Variants in COL27A1 observed in about 807,000 individuals in gnomAD.
COL27A1 encodes collagen alpha-1(XXVII) chain.
In COL27A1, 106 loss-of-function variants were observed where a neutral mutation model predicts 251.3. That is an observed-to-expected ratio of 0.42 (90% CI 0.36 to 0.50). The LOEUF is 0.50. Among genes scored for constraint, COL27A1 ranks in the 20% least tolerant of loss-of-function variants. The probability of loss-of-function intolerance (pLI) is 0.00; values close to 1 mark genes in which losing one functional copy is unlikely to be tolerated. For missense variants in COL27A1, 2,325 were observed against 2,522.8 expected, an observed-to-expected ratio of 0.92 and a Z score of 1.68; for synonymous variants, 1,000 against 986.3, an observed-to-expected ratio of 1.01 and a Z score of -0.26.
intron 23 of COL27A1, among the ~76,000 whole-genome samples, 177 bp downstream of exon 23, chr9:114,243,737 C>T (rs1435774003): frequency 1.3e-5 from 2 of 151,938 alleles, no homozygotes; most frequent in African/African-American, 2.4e-5. Flanking sequence ...AAGTGTCCAA[C>T]TGTGGGGGAT....
chr9:114,244,085 C>G (rs1832952422), intron 23 of COL27A1, among the ~76,000 whole-genome samples: 1 of 152,002 alleles, frequency 6.6e-6, no homozygotes. Flanking sequence ...AGCACCACGC[C>G]CAGCTAATTT....
At position 114,178,133 on chromosome 9, in the gene COL27A1, G is replaced by A. The variant is rs182477753; in HGVS notation, c.1909-158G>A. ...TATGAAAGCCCAAAAGCCCCAAAGA[G>A]CATGAATTTCTCAGGGCAGGGACCT... On this transcript the variant is annotated intron_variant, in intron 3 of 60. Transcript: ENST00000356083. Among the ~76,000 whole-genome samples, 221 of 152,336 alleles carry A rather than the reference G, an allele frequency of 1.5e-3. 1 individual carries two copies. The highest frequency in any genetic ancestry group is 6.8e-3 in the Middle Eastern group (2 of 294).
chr9:114,265,371 G>C, intron 31 of COL27A1, 51 bp from the exon 32 acceptor site: 2 of 1,578,064 alleles, frequency 1.3e-6, no homozygotes, highest in Non-Finnish European at 1.7e-6. Flanking sequence ...ATCAAGACAG[G>C]GCAGAGAAGG....
At chr9:114,193,247 C>T (rs1042978217) in intron 5 of COL27A1, among the ~76,000 whole-genome samples, 3 of 152,162 alleles carry the variant, frequency 2.0e-5, no homozygotes, top group African/African-American at 7.2e-5. Flanking sequence ...TTCCACAGGG[C>T]TGTTTCCTGA....
intron 14 of COL27A1, among the ~76,000 whole-genome samples, chr9:114,223,064 G>A (rs143668462): frequency 2.3e-3 from 345 of 152,218 alleles, no homozygotes; most frequent in Non-Finnish European, 1.6e-3. Flanking sequence ...TGTAGGCCTC[G>A]AGGAGTGGTT....
At chr9:114,182,948 G>T (rs1458046862) in intron 4 of COL27A1, 74 bp from the exon 5 acceptor site, 6 of 1,261,858 alleles carry the variant, frequency 4.8e-6, no homozygotes, top group Non-Finnish European at 6.9e-6. Context: ...GAAGGTGCCA[G>T]GCATTGCTGT....
intron 12 of COL27A1, among the ~76,000 whole-genome samples, chr9:114,214,810 G>T (rs1830611547): frequency 6.6e-6 from 1 of 152,202 alleles, no homozygotes; most frequent in African/African-American, 2.4e-5. Flanking sequence ...TCTGGCGAGG[G>T]GTCCAGGTGG....
intron 19 of COL27A1, 101 bp downstream of exon 19, chr9:114,237,816 A>C: frequency 2.1e-6 from 2 of 933,126 alleles, no homozygotes; most frequent in South Asian, 2.7e-5. Flanking sequence ...GCTTTAGGTC[A>C]CACAGGATAT....
chr9:114,211,263 C>A (rs916768691), intron 12 of COL27A1, among the ~76,000 whole-genome samples: 2 of 152,212 alleles, frequency 1.3e-5, no homozygotes, highest in Admixed American at 1.3e-4. Flanking sequence ...GCTCCTGTCT[C>A]CCTGTGGGCA....
intron 7 of COL27A1, 42 bp downstream of exon 7, chr9:114,196,054 C>CCTAGCAAGCCAGGTCTTCAGG (rs1829100884): frequency 6.4e-7 from 1 of 1,570,088 alleles, no homozygotes; most frequent in Non-Finnish European, 8.8e-7. Flanking sequence ...CAGTGGGCCT[C>CCTAGCAAGCCAGGTCTTCAGG]CTAGCAAGCC....
At chr9:114,176,562 AC>A (rs1241764883) in intron 3 of COL27A1, among the ~76,000 whole-genome samples, 1 of 151,948 alleles carries the variant, frequency 6.6e-6, no homozygotes, top group Admixed American at 6.6e-5. Flanking sequence ...CCCTATGTGA[AC>A]CCAGGCCCGT....
chr9:114,162,215 C>T (rs1390938978), intron 1 of COL27A1, among the ~76,000 whole-genome samples: 4 of 152,180 alleles, frequency 2.6e-5, no homozygotes, highest in African/African-American at 4.8e-5. Flanking sequence ...AATTGGTCTC[C>T]CAAGCAGTCC....
chr9:114,242,711 G>A (rs1246841794), intron 22 of COL27A1, among the ~76,000 whole-genome samples: 1 of 152,216 alleles, frequency 6.6e-6, no homozygotes, highest in African/African-American at 2.4e-5. Flanking sequence ...TTACACTCTT[G>A]AAAATGATGG....
chr9:114,290,933 A>C lies in COL27A1; in HGVS notation c.4476+16A>C. ...AGGATTCAAGGTCAGATACCTCTTA[A>C]TACACTTACCCACCCTCTGCCCTTT... On this transcript the variant is annotated intron_variant, in intron 48 of 60. Transcript: ENST00000356083. This position sits in a 1 kb window ranked among gnomAD's most constrained non-coding sequence, Gnocchi z 4.6. 6.5e-7 allele frequency: 1 copy of C among 1,532,778 alleles called. No homozygotes were observed. Among genetic ancestry groups the C allele is most frequent in the Non-Finnish European group, 8.8e-7 (1 of 1,130,746 alleles). 94.9% of individuals were successfully genotyped at this position (1,532,778 alleles called of 1,614,324 possible).
At chr9:114,250,354 G>A (rs935800422) in intron 24 of COL27A1, among the ~76,000 whole-genome samples, 13 of 152,210 alleles carry the variant, frequency 8.5e-5, no homozygotes, top group South Asian at 4.1e-4. Flanking sequence ...TGCTTCTGGC[G>A]CGGGAAGAAT....
At chr9:114,193,651 G>C (rs1226095436) in intron 5 of COL27A1, among the ~76,000 whole-genome samples, 1 of 152,132 alleles carries the variant, frequency 6.6e-6, no homozygotes, top group African/African-American at 2.4e-5. Flanking sequence ...TGCCTCACTA[G>C]ATTGTAGAAA....
chr9:114,167,661 G>C (rs373943616), intron 2 of COL27A1, 28 bp from the exon 3 acceptor site: 1 of 1,579,644 alleles, frequency 6.3e-7, no homozygotes, highest in Non-Finnish European at 8.6e-7. Context: ...CCCTGACTGC[G>C]TCCTCTCCCC....
intron 13 of COL27A1, 100 bp from the exon 14 acceptor site, chr9:114,222,123 T>C: frequency 9.4e-7 from 1 of 1,064,352 alleles, no homozygotes; most frequent in East Asian, 2.4e-5. Flanking sequence ...TGTTCAGCTC[T>C]GAAAGACCCC....
At chr9:114,270,629 G>C (rs1021070991) in intron 35 of COL27A1, 99 bp from the exon 36 acceptor site, 14 of 884,380 alleles carry the variant, frequency 1.6e-5, no homozygotes, top group African/African-American at 3.5e-5. Context: ...GGAGATCCAT[G>C]GGTCAGGGTC....
Sources: gnomAD v4.1 joint callset for allele counts (sites outside exome capture counted in the v4.1 genomes callset) on GRCh38, gnomAD v4.1.1 for gene constraint, Gnocchi (gnomAD v3.1) non-coding constraint, MANE v1.5 for transcripts, NCBI Gene and HGNC (gene_info 2026-07-23, HGNC 2026-07-21) for gene names.